MAP4K3: variants seen among roughly 807,000 people sequenced by gnomAD.
The protein encoded by MAP4K3 is MAPK/ERK kinase kinase kinase 3.
Under a neutral mutation model 143.5 loss-of-function variants are expected in MAP4K3, and 94 were observed. The observed-to-expected ratio is 0.65, with a 90% confidence interval of 0.55 to 0.78. MAP4K3 has a LOEUF of 0.78. MAP4K3 is among the 30% of genes least tolerant of loss of function. The pLI, the probability that MAP4K3 is intolerant of heterozygous loss-of-function variation, is 0.00. For synonymous variants in MAP4K3, 416 were observed against 347.2 expected (o/e 1.20, Z -2.20); for missense variants, 1,077 against 1,068.1 (o/e 1.01, Z -0.12).
intron 1 of MAP4K3, among the ~76,000 whole-genome samples, chr2:39,435,535 C>A (rs1171187345): frequency 6.6e-6 from 1 of 152,208 alleles, no homozygotes; most frequent in Non-Finnish European, 1.5e-5. Flanking sequence ...CGATGAGCGT[C>A]TGATACCCTA....
rs150267167 is a variant in MAP4K3, at chr2:39,274,922, C to A, written c.1795-2380G>T. Among the ~76,000 whole-genome samples, 73 of 152,292 alleles carry A rather than the reference C, an allele frequency of 4.8e-4. No homozygotes were observed. The East Asian group carries it at 0.013, about 28-fold the overall frequency. Reference sequence around the variant, plus strand: ...GTGTCATCTTCTCACTTTTCAGAATCTTCCCCTATTTAGTAGGCTCACGCC... The same window carrying A: ...GTGTCATCTTCTCACTTTTCAGAATATTCCCCTATTTAGTAGGCTCACGCC... On this transcript the variant is annotated intron_variant, in intron 24 of 33. Transcript: ENST00000263881.
At chr2:39,277,535 T>C (rs1043219982) in intron 24 of MAP4K3, among the ~76,000 whole-genome samples, 3 of 152,138 alleles carry the variant, frequency 2.0e-5, no homozygotes, top group Non-Finnish European at 4.4e-5. Context: ...TGTTAACCTG[T>C]CTTCAGTATC....
intron 21 of MAP4K3, among the ~76,000 whole-genome samples, chr2:39,286,231 T>G (rs900620304): frequency 1.3e-5 from 2 of 152,196 alleles, no homozygotes; most frequent in Non-Finnish European, 2.9e-5. Context: ...CTAGATCCCT[T>G]GCATGCACAC....
intron 7 of MAP4K3, 43 bp downstream of exon 7, chr2:39,333,489 T>C: frequency 6.8e-7 from 1 of 1,472,730 alleles, no homozygotes; most frequent in Non-Finnish European, 9.5e-7. Context: ...TTACTATATC[T>C]TAGAATAGAT....
At chr2:39,322,618 A>ATG (rs760853279) in intron 12 of MAP4K3, among the ~76,000 whole-genome samples, 1 of 145,484 alleles carries the variant, frequency 6.9e-6, no homozygotes, top group Non-Finnish European at 1.5e-5. Flanking sequence ...GTGTGTGTGT[A>ATG]TATATGTATA....
chr2:39,266,388 A>G (rs928675231), intron 27 of MAP4K3, among the ~76,000 whole-genome samples: 14 of 152,218 alleles, frequency 9.2e-5, no homozygotes. Context: ...CACAGTAATA[A>G]GTACATGCTC....
chr2:39,424,618 C>T (rs112418664), intron 1 of MAP4K3, among the ~76,000 whole-genome samples: 37 of 151,764 alleles, frequency 2.4e-4, no homozygotes, highest in African/African-American at 8.9e-4. Flanking sequence ...TTGCCTGAGC[C>T]CAGGAGTTTG....
At chr2:39,289,171 G>C (rs528888945) in intron 19 of MAP4K3, among the ~76,000 whole-genome samples, 1 of 152,120 alleles carries the variant, frequency 6.6e-6, no homozygotes, top group Admixed American at 6.5e-5. Flanking sequence ...GTTGGCTGAC[G>C]GTTTGTAGAA....
chr2:39,296,958 C>T (rs6743041), intron 16 of MAP4K3, among the ~76,000 whole-genome samples: 134,086 of 152,178 alleles, frequency 0.88, 59,261 homozygotes, highest in Non-Finnish European at 0.91. Context: ...AGTCATGTAG[C>T]TTATAGGAAA....
chr2:39,346,373 TC>T (rs781316502), intron 3 of MAP4K3, among the ~76,000 whole-genome samples: 2 of 152,236 alleles, frequency 1.3e-5, no homozygotes. Context: ...TCTACCTGGT[TC>T]AATGACACTA....
chr2:39,259,297 C>G (rs1054144975), intron 29 of MAP4K3, among the ~76,000 whole-genome samples: 5 of 152,180 alleles, frequency 3.3e-5, no homozygotes, highest in Non-Finnish European at 7.3e-5. Context: ...TTCTCAGGTC[C>G]TATCTAGACT....
chr2:39,280,498 A>C (rs1052688631), intron 22 of MAP4K3, 142 bp from the exon 23 acceptor site: 8 of 424,648 alleles, frequency 1.9e-5, no homozygotes, highest in Non-Finnish European at 3.4e-5. Context: ...TACAGAAGTA[A>C]GTGTAAGAAA....
At chr2:39,337,271 G>C (rs948696321) in intron 5 of MAP4K3, among the ~76,000 whole-genome samples, 5 of 151,908 alleles carry the variant, frequency 3.3e-5, no homozygotes, top group African/African-American at 9.7e-5. Flanking sequence ...GCCTTTCTTT[G>C]GTATTAAGAG....
intron 4 of MAP4K3, among the ~76,000 whole-genome samples, chr2:39,341,301 T>G (rs947929597): frequency 6.6e-6 from 1 of 152,042 alleles, no homozygotes; most frequent in Non-Finnish European, 1.5e-5. Context: ...CTATACCCAC[T>G]TAAATAATCA....
intron 27 of MAP4K3, among the ~76,000 whole-genome samples, chr2:39,266,715 C>A (rs985719183): frequency 1.3e-5 from 2 of 151,922 alleles, no homozygotes; most frequent in African/African-American, 4.8e-5. Flanking sequence ...GGAAAGAAAT[C>A]ATTTTTTGCT....
At chr2:39,337,473 G>A (rs1234916452) in intron 5 of MAP4K3, 53 bp downstream of exon 5, 1 of 1,350,722 alleles carries the variant, frequency 7.4e-7, no homozygotes, top group Non-Finnish European at 1.1e-6. Flanking sequence ...TGCACAGTAA[G>A]TAAAGCCTTA....
At chr2:39,287,446 C>T (rs976119303) in intron 20 of MAP4K3, among the ~76,000 whole-genome samples, 12 of 152,046 alleles carry the variant, frequency 7.9e-5, no homozygotes, top group African/African-American at 1.9e-4. Context: ...TACAGGCATG[C>T]GCTACCACGC....
chr2:39,258,789 T>C (rs1468718673), intron 29 of MAP4K3, among the ~76,000 whole-genome samples: 1 of 152,232 alleles, frequency 6.6e-6, no homozygotes, highest in Non-Finnish European at 1.5e-5. Context: ...AGAGCATATG[T>C]TGGCTGTTGT....
chr2:39,276,163 C>T (rs1225192015), intron 24 of MAP4K3, among the ~76,000 whole-genome samples: 6 of 152,154 alleles, frequency 3.9e-5, no homozygotes, highest in Non-Finnish European at 7.3e-5. Flanking sequence ...TGAGCCACCA[C>T]GGCCGGCCTT....
Sources: allele counts gnomAD v4.1 joint callset (sites outside exome capture counted in the v4.1 genomes callset), GRCh38; gene constraint gnomAD v4.1.1; transcripts MANE v1.5; gene names NCBI Gene and HGNC (gene_info 2026-07-23, HGNC 2026-07-21).